Variants in SCN7A observed in about 807,000 individuals in gnomAD.
SCN7A encodes the protein sodium channel protein type 7 subunit alpha.
A neutral mutation model predicts 155.2 loss-of-function variants in SCN7A; 138 were observed. The observed-to-expected ratio is 0.89, with a 90% CI of 0.77 to 1.02. The LOEUF (loss-of-function observed/expected upper bound fraction) is 1.02. Ranked by LOEUF, SCN7A falls within the 50% of genes least tolerant of loss-of-function variation. The pLI is 0.00. For synonymous variants in SCN7A, 693 were observed against 649.0 expected (o/e 1.07, Z -1.03); for missense variants, 2,058 against 1,986.6 (o/e 1.04, Z -0.68).
At chr2:166,441,357 C>T (rs767261474) in intron 15 of SCN7A, 39 bp downstream of exon 15, 2 of 1,405,510 alleles carry the variant, frequency 1.4e-6, no homozygotes, top group East Asian at 4.7e-5. Context: ...CTACCTTATA[C>T]CAGTTTTCAT....
intron 2 of SCN7A, among the ~76,000 whole-genome samples, chr2:166,479,514 A>G (rs1702873186): frequency 6.6e-6 from 1 of 152,102 alleles, no homozygotes; most frequent in African/African-American, 2.4e-5. Flanking sequence ...CCTTTTGTGG[A>G]ATCAAGTTTT....
At chr2:166,475,093 C>CAT (rs1553520518) in intron 3 of SCN7A, among the ~76,000 whole-genome samples, 9 of 129,550 alleles carry the variant, frequency 6.9e-5, no homozygotes, top group Non-Finnish European at 1.1e-4. Flanking sequence ...TATATATATA[C>CAT]ACATATATAT....
At chr2:166,419,865 G>A (rs892101207) in intron 20 of SCN7A, among the ~76,000 whole-genome samples, 2 of 151,852 alleles carry the variant, frequency 1.3e-5, no homozygotes, top group African/African-American at 4.8e-5. Context: ...GTGTATAATT[G>A]GAATTTTGCC....
Position 166,403,882 on chromosome 2 carries a change from C to G in SCN7A, c.*1698G>C, listed in dbSNP as rs991239533. Reference sequence around the variant, plus strand: ...TCACCAAGTTAACACTGGTTCCTCACTGGTCTCCATAACATGATGGAGAGC... The same window carrying G: ...TCACCAAGTTAACACTGGTTCCTCAGTGGTCTCCATAACATGATGGAGAGC... On this transcript the variant is annotated 3_prime_UTR_variant, in exon 26 of 26. Transcript: ENST00000643258. 6 of 151,442 alleles carry G rather than the reference C, an allele frequency of 4.0e-5. No individual in the cohort carries two copies. The highest frequency in any genetic ancestry group is 1.5e-4 in the African/African-American group (6 of 41,226). 9.4% of individuals were successfully genotyped at this position (151,442 alleles called of 1,614,324 possible).
At chr2:166,407,157 T>A (rs1167604094) in intron 25 of SCN7A, among the ~76,000 whole-genome samples, 1 of 152,014 alleles carries the variant, frequency 6.6e-6, no homozygotes, top group African/African-American at 2.4e-5. Context: ...TACAGAAATG[T>A]CTGGCATTCA....
intron 20 of SCN7A, among the ~76,000 whole-genome samples, chr2:166,420,649 A>C (rs1027628571): frequency 2.6e-5 from 4 of 152,008 alleles, no homozygotes; most frequent in Non-Finnish European, 5.9e-5. Flanking sequence ...TATAATATTC[A>C]ATCTATTAAT....
At chr2:166,410,110 C>T (rs1418872419) in intron 24 of SCN7A, 110 bp downstream of exon 24, 1 of 1,137,846 alleles carries the variant, frequency 8.8e-7, no homozygotes, top group African/African-American at 1.6e-5. Context: ...CCATGAAAAG[C>T]TTTGTCAAGG....
At chr2:166,476,221 CT>C (rs1252048291) in intron 3 of SCN7A, among the ~76,000 whole-genome samples, 2 of 151,782 alleles carry the variant, frequency 1.3e-5, no homozygotes, top group Non-Finnish European at 2.9e-5. Context: ...TACATTTCTA[CT>C]GTAAAATGTC....
Position 166,443,679 on chromosome 2 carries a change from A to G in SCN7A, c.1627-3T>C. 1 of 1,534,078 alleles carries G rather than the reference A, an allele frequency of 6.5e-7. No homozygotes were observed. The highest frequency in any genetic ancestry group is 8.8e-7 in the Non-Finnish European group (1 of 1,138,676). ...GCTGTGAAAATTCCAATGAAAACCT[A>G]AATCAAAACCAAATACATAGGTGAG... On this transcript the variant is annotated splice_polypyrimidine_tract_variant and splice_region_variant and intron_variant, in intron 13 of 25. Transcript: ENST00000643258.
chr2:166,475,093 C>CGTATATATATATATATATAT (rs1193173809), intron 3 of SCN7A, among the ~76,000 whole-genome samples: 2 of 129,562 alleles, frequency 1.5e-5, no homozygotes, highest in Non-Finnish European at 3.2e-5. Flanking sequence ...TATATATATA[C>CGTATATATATATATATATAT]ACATATATAT....
At chr2:166,458,957 T>C (rs942893202) in intron 10 of SCN7A, among the ~76,000 whole-genome samples, 1 of 152,182 alleles carries the variant, frequency 6.6e-6, no homozygotes, top group African/African-American at 2.4e-5. Flanking sequence ...TAATTTAACT[T>C]ATACAGGAGA....
At position 166,413,981 on chromosome 2, in the gene SCN7A, G is replaced by GTGTATATATA. The variant is rs1553513525; in HGVS notation, c.3415-861_3415-860insTATATATACA. Among the ~76,000 whole-genome samples the GTGTATATATA allele has an allele frequency of 2.4e-4, 13 of 53,502 alleles. 1 individual carries two copies. The highest frequency in any genetic ancestry group is 5.6e-4 in the Admixed American group (2 of 3,540). The allele number at this position is 53,502 out of a possible 152,430, so 35.1% of individuals were successfully genotyped here. A position where few individuals can be genotyped will look rare whatever the true frequency, so the allele number is the denominator to read the frequency against. On this transcript the variant is annotated intron_variant, in intron 21 of 25. Coordinates refer to ENST00000643258, the MANE Select transcript of SCN7A (RefSeq NM_002976.4). ...CCCCTTTATATATATATGTGTATGT[G>GTGTATATATA]TATATATATATATATATATATAAAT...
chr2:166,414,858 T>C (rs1419751667), intron 21 of SCN7A: 2 of 127,078 alleles, frequency 1.6e-5, no homozygotes, highest in African/African-American at 6.1e-5. Context: ...GGATATATAA[T>C]ATATAATATA....
chr2:166,432,411 T>C lies in SCN7A; in HGVS notation c.2499A>G (p.Ser833=). 6.2e-7 allele frequency: 1 copy of C among 1,613,514 alleles called. No homozygotes were observed. The highest frequency in any genetic ancestry group is 8.5e-7 in the Non-Finnish European group (1 of 1,179,530). ...SQSLIPSPSV[S]ETVPIASGES... ...CTCCTGAAGCAATTGGTACAGTTTC[T>C]GAGACACTAGGACTGGGGATAAGTG... The change falls in exon 16 of 26, where the codon TCA becomes TCG. Residue 833 remains serine, a synonymous_variant. Transcript: ENST00000643258.
At chr2:166,480,699 T>C (rs1347767163) in intron 2 of SCN7A, among the ~76,000 whole-genome samples, 5 of 152,202 alleles carry the variant, frequency 3.3e-5, no homozygotes, top group Admixed American at 3.3e-4. Context: ...CTTGACATTG[T>C]CTTGGTATTT....
At chr2:166,440,424 T>C (rs993400005) in intron 15 of SCN7A, among the ~76,000 whole-genome samples, 6 of 152,142 alleles carry the variant, frequency 3.9e-5, no homozygotes, top group Non-Finnish European at 7.4e-5. Context: ...GGGATTGGGG[T>C]CTGGGAGTCT....
intron 19 of SCN7A, 41 bp from the exon 20 acceptor site, chr2:166,421,338 A>T: frequency 6.4e-6 from 7 of 1,088,234 alleles, no homozygotes; most frequent in African/African-American, 1.6e-5. Flanking sequence ...AGGATTCCAT[A>T]TTAATCAAAA....
intron 15 of SCN7A, chr2:166,436,361 TCTC>T (rs1358110360): frequency 9.2e-6 from 4 of 432,522 alleles, no homozygotes; most frequent in Admixed American, 2.5e-5. Flanking sequence ...ACTCTGCACT[TCTC>T]CTTGCTGCTG....
At chr2:166,453,005 A>G (rs1702205151) in intron 11 of SCN7A, among the ~76,000 whole-genome samples, 1 of 152,200 alleles carries the variant, frequency 6.6e-6, no homozygotes. Context: ...TGAAACAGCC[A>G]TGCGTTCTTG....
Sources: gnomAD v4.1 joint callset for allele counts (sites outside exome capture counted in the v4.1 genomes callset) on GRCh38, gnomAD v4.1.1 for gene constraint, MANE v1.5 for transcripts, NCBI Gene and HGNC (gene_info 2026-07-23, HGNC 2026-07-21) for gene names.